Variants in LYPLAL1 observed in about 807,000 individuals in gnomAD.
The protein encoded by LYPLAL1 is lysophospholipase-like protein 1.
LYPLAL1 carries 23 observed loss-of-function variants against 19.7 expected under a neutral mutation model. That is an observed-to-expected ratio of 1.17 (90% CI 0.84 to 1.65). The LOEUF (loss-of-function observed/expected upper bound fraction) is 1.65. Among genes scored for constraint, LYPLAL1 ranks in the 40% most tolerant of loss-of-function variants. LYPLAL1 has a pLI of 0.00. For synonymous variants in LYPLAL1, 119 were observed against 96.3 expected (o/e 1.24, Z -1.38); for missense variants, 355 against 279.4 (o/e 1.27, Z -1.93).
At position 219,173,910 on chromosome 1, in the gene LYPLAL1, C is replaced by G. The variant is rs540451214; in HGVS notation, c.20C>G (p.Ser7Trp). 3.7e-5 allele frequency: 60 copies of G among 1,613,336 alleles called. No homozygotes were observed. The South Asian group carries it at 4.9e-4, about 13-fold the overall frequency. Residue 7 changes from serine to tryptophan, a missense_variant, in exon 1 of 5, where the codon TCG becomes TGG. Transcript: ENST00000366928. ...TCAGCGATGGCGGCTGCGTCGGGGT[C>G]GGTTCTGCAGCGCTGTATCGTGTCG... Reference protein sequence around the residue: MAAASGSVLQRCIVSPA... With the variant: MAAASGWVLQRCIVSPA...
intron 3 of LYPLAL1, chr1:219,198,552 C>T (rs903240721): frequency 2.0e-5 from 3 of 152,100 alleles, no homozygotes; most frequent in African/African-American, 4.8e-5. Flanking sequence ...ATAAATTTAA[C>T]ATTCACTTAA....
At chr1:219,408,353 G>T in the LYPLAL1 span, among the ~76,000 whole-genome samples, 1 of 152,126 alleles carries the variant, frequency 6.6e-6, no homozygotes, top group Admixed American at 6.6e-5. Context: ...TTGGGTTGAT[G>T]ACAGAACCCC....
chr1:219,335,231 C>T, the LYPLAL1 span, among the ~76,000 whole-genome samples: 1 of 151,896 alleles, frequency 6.6e-6, no homozygotes, highest in African/African-American at 2.4e-5. Context: ...TCAATTCCAT[C>T]GATACTATCC....
the LYPLAL1 span, among the ~76,000 whole-genome samples, chr1:219,306,075 A>G: frequency 6.6e-6 from 1 of 152,226 alleles, no homozygotes; most frequent in Non-Finnish European, 1.5e-5. Flanking sequence ...AACTCCATAC[A>G]TGTAATTTAG....
the LYPLAL1 span, among the ~76,000 whole-genome samples, chr1:219,418,961 T>C: frequency 6.6e-6 from 1 of 152,248 alleles, no homozygotes; most frequent in Admixed American, 6.5e-5. Flanking sequence ...GTTTTCCCCA[T>C]TCTTTTTTCT....
the LYPLAL1 span, among the ~76,000 whole-genome samples, chr1:219,339,793 T>C: frequency 6.6e-6 from 1 of 151,998 alleles, no homozygotes; most frequent in East Asian, 1.9e-4. Flanking sequence ...TCCCCAAAAA[T>C]ACATCAGGGT....
intron 1 of LYPLAL1, among the ~76,000 whole-genome samples, chr1:219,178,435 TTGAAC>T (rs1478489930): frequency 6.6e-6 from 1 of 152,210 alleles, no homozygotes; most frequent in Non-Finnish European, 1.5e-5. Context: ...TAGGCAGTTT[TTGAAC>T]TGATACCTTA....
the LYPLAL1 span, among the ~76,000 whole-genome samples, chr1:219,408,933 A>C: frequency 6.6e-6 from 1 of 152,236 alleles, no homozygotes; most frequent in Non-Finnish European, 1.5e-5. Flanking sequence ...ATTCAGCAGT[A>C]GGAAAGCTTT....
At chr1:219,342,070 T>C in the LYPLAL1 span, among the ~76,000 whole-genome samples, 4 of 152,148 alleles carry the variant, frequency 2.6e-5, no homozygotes, top group South Asian at 6.2e-4. Flanking sequence ...AATCACAACT[T>C]ATCCATAGCC....
At chr1:219,366,336 G>C in the LYPLAL1 span, among the ~76,000 whole-genome samples, 2 of 152,112 alleles carry the variant, frequency 1.3e-5, no homozygotes, top group African/African-American at 4.8e-5. Context: ...ACAGAAACAA[G>C]GATAATTATG....
At chr1:219,281,577 C>T in the LYPLAL1 span, among the ~76,000 whole-genome samples, 1 of 151,988 alleles carries the variant, frequency 6.6e-6, no homozygotes, top group Admixed American at 6.6e-5. Flanking sequence ...TGCAGCCAAG[C>T]AACTACTATA....
At chr1:219,252,026 T>C in the LYPLAL1 span, among the ~76,000 whole-genome samples, 1 of 152,006 alleles carries the variant, frequency 6.6e-6, no homozygotes. Flanking sequence ...TTCCTAGATA[T>C]TTTACTCTTT....
intron 3 of LYPLAL1, among the ~76,000 whole-genome samples, chr1:219,205,544 C>CAAAATTCTGTACAGTACAAAATATTGT (rs1161569441): frequency 2.6e-5 from 4 of 151,842 alleles, no homozygotes; most frequent in African/African-American, 9.7e-5. Context: ...GAGAACATGT[C>CAAAATTCTGTACAGTACAAAATATTGT]AAAATTCTGT....
chr1:219,291,436 TCTC>T, the LYPLAL1 span, among the ~76,000 whole-genome samples: 683 of 152,332 alleles, frequency 4.5e-3, 2 homozygotes, highest in Middle Eastern at 0.02. Context: ...CTTTGAATCT[TCTC>T]TACAATCTAC....
the LYPLAL1 span, among the ~76,000 whole-genome samples, chr1:219,314,536 C>A: frequency 0.3 from 44,902 of 152,002 alleles, 7,144 homozygotes; most frequent in East Asian, 0.59. Flanking sequence ...GCTCCGCCTC[C>A]CGGGTTCAGG....
chr1:219,384,572 T>C, the LYPLAL1 span, among the ~76,000 whole-genome samples: 1 of 152,102 alleles, frequency 6.6e-6, no homozygotes, highest in African/African-American at 2.4e-5. Context: ...TAGAATAAAA[T>C]CCACAAATTA....
the LYPLAL1 span, among the ~76,000 whole-genome samples, chr1:219,323,856 C>T: frequency 6.6e-6 from 1 of 152,120 alleles, no homozygotes; most frequent in Non-Finnish European, 1.5e-5. Flanking sequence ...TATACACACA[C>T]ATGCATATAT....
chr1:219,386,383 A>G, the LYPLAL1 span, among the ~76,000 whole-genome samples: 10 of 152,162 alleles, frequency 6.6e-5, no homozygotes, highest in Non-Finnish European at 1.2e-4. Flanking sequence ...ATTTATCATA[A>G]CCAATATATT....
At chr1:219,376,710 G>A in the LYPLAL1 span, among the ~76,000 whole-genome samples, 1 of 152,064 alleles carries the variant, frequency 6.6e-6, no homozygotes, top group African/African-American at 2.4e-5. Flanking sequence ...CACATAAAAA[G>A]GTGCTTAACA....
Sources: gnomAD v4.1 joint callset for allele counts (sites outside exome capture counted in the v4.1 genomes callset) on GRCh38, gnomAD v4.1.1 for gene constraint, MANE v1.5 for transcripts, NCBI Gene and HGNC (gene_info 2026-07-23, HGNC 2026-07-21) for gene names.